PZP: variants seen among roughly 807,000 people sequenced by gnomAD.
PZP encodes pregnancy zone protein.
A neutral mutation model predicts 179.8 loss-of-function variants in PZP; 150 were observed. The ratio of observed to expected loss-of-function variants is 0.83; its 90% CI spans 0.73 to 0.96. PZP has a LOEUF of 0.96. PZP is among the 40% of genes least tolerant of loss of function. The pLI is 0.00. For missense variants in PZP, 1,689 were observed against 1,764.0 expected, an observed-to-expected ratio of 0.96 and a Z score of 0.76; for synonymous variants, 624 against 652.3, an observed-to-expected ratio of 0.96 and a Z score of 0.66.
At chr12:9,171,333 C>G (rs765541001) in intron 15 of PZP, among the ~76,000 whole-genome samples, 1 of 152,090 alleles carries the variant, frequency 6.6e-6, no homozygotes, top group Non-Finnish European at 1.5e-5. Context: ...CAAAAAAGAC[C>G]TAACACAAAT....
intron 13 of PZP, among the ~76,000 whole-genome samples, chr12:9,191,033 A>C (rs1213522866): frequency 6.6e-6 from 1 of 152,158 alleles, no homozygotes; most frequent in African/African-American, 2.4e-5. Flanking sequence ...TGATTTAATT[A>C]GCTATATAGA....
chr12:9,185,790 ATTTCTTTTCTTTTCT>A (rs71045238), intron 13 of PZP, among the ~76,000 whole-genome samples: 28 of 134,320 alleles, frequency 2.1e-4, no homozygotes, highest in Non-Finnish European at 3.6e-4. Context: ...TATGTTCAAC[ATTTCTTTTCTTTTCT>A]TTTCTTTTCT....
chr12:9,157,074 T>C, intron 28 of PZP, 101 bp downstream of exon 28: 1 of 1,139,054 alleles, frequency 8.8e-7, no homozygotes, highest in Non-Finnish European at 1.2e-6. Context: ...ATCCTGATGC[T>C]CTCCCTCTCC....
At position 9,154,719 on chromosome 12, in the gene PZP, G is replaced by A. The variant is rs375885593; in HGVS notation, c.3671C>T (p.Thr1224Met). 36 of 1,614,002 alleles carry A rather than the reference G, an allele frequency of 2.2e-5. No homozygotes were observed. The highest frequency in any genetic ancestry group is 1.8e-4 in the South Asian group (16 of 91,084). Residue 1224 changes from threonine to methionine, a missense_variant, in exon 29 of 36, where the codon ACG becomes ATG. By Grantham distance (81) the Thr-to-Met change is moderately conservative. Around this residue, in one of 3 missense-constraint regions of PZP, gnomAD observed 746 missense variants for 749.2 expected, o/e 1.00. Transcript: ENST00000261336. The part of the protein sequence containing the change: ...MTSYVLLAYL[T>M]AQPAPTSGDL... ...CCCTGAGGTGGGGGCTGGCTGGGCC[G>A]TGAGATAAGCGAGGAGCACATAGGA...
intron 15 of PZP, among the ~76,000 whole-genome samples, chr12:9,179,258 T>C (rs1295535202): frequency 3.3e-5 from 5 of 152,192 alleles, no homozygotes; most frequent in Non-Finnish European, 5.9e-5. Flanking sequence ...CAAATGGCAA[T>C]TATTAACCAA....
intron 2 of PZP, among the ~76,000 whole-genome samples, chr12:9,203,236 T>C (rs1944265447): frequency 6.6e-6 from 1 of 151,418 alleles, no homozygotes; most frequent in Admixed American, 6.6e-5. Flanking sequence ...AGGAATGAAA[T>C]TTAGAAGAGT....
chr12:9,176,880 A>G (rs1251401802), intron 15 of PZP, among the ~76,000 whole-genome samples: 1 of 152,164 alleles, frequency 6.6e-6, no homozygotes, highest in Non-Finnish European at 1.5e-5. Flanking sequence ...ATCTAGAGGT[A>G]TTGTACCTGA....
chr12:9,145,563 G>T (rs1036683770), downstream of PZP, among the ~76,000 whole-genome samples: 2 of 151,976 alleles, frequency 1.3e-5, no homozygotes, highest in African/African-American at 4.8e-5. Context: ...CTTTTAACTG[G>T]AAGTAAAAGT....
chr12:9,140,391 C>T, the PZP span, among the ~76,000 whole-genome samples: 2 of 152,148 alleles, frequency 1.3e-5, no homozygotes, highest in Non-Finnish European at 2.9e-5. Flanking sequence ...GTGTTTCTTA[C>T]TCGGCCCAAT....
At position 9,157,805 on chromosome 12, in the gene PZP, CAT is replaced by C. The variant is rs751183587; in HGVS notation, c.3329_3330del (p.Tyr1110CysfsTer14). The stretch of plus-strand genomic sequence containing the variant: ...GGAATTTCCAGAAGGGCAATAGTAA[CAT>C]AGGCGGAGAGGGTCGCTTCATCTTC... ...GVEDEATLSA[Y>X]VTIALLEIPL... On this transcript the variant is annotated frameshift_variant, in exon 27 of 36. Coordinates refer to ENST00000261336, the MANE Select transcript of PZP (RefSeq NM_002864.3). LOFTEE classifies it high-confidence loss of function. The C allele has an allele frequency of 6.2e-7, 1 of 1,614,008 alleles. No individual in the cohort carries two copies. Among genetic ancestry groups the C allele is most frequent in the African/African-American group, 1.3e-5 (1 of 74,924 alleles).
intron 23 of PZP, 71 bp from the exon 24 acceptor site, chr12:9,160,561 G>GTT: frequency 7.1e-7 from 1 of 1,406,910 alleles, no homozygotes; most frequent in Non-Finnish European, 9.7e-7. Context: ...TAACAAAAAT[G>GTT]GCCTTTATAT....
intron 28 of PZP, among the ~76,000 whole-genome samples, 179 bp from the exon 29 acceptor site, chr12:9,155,018 T>A (rs936339032): frequency 1.3e-5 from 2 of 152,188 alleles, no homozygotes; most frequent in Non-Finnish European, 2.9e-5. Context: ...CTTGATTTAG[T>A]CCTGTGGTAC....
In PZP at chr12:9,157,353, G is replaced by A. The variant is rs774307990; in HGVS notation, c.3372C>T (p.Asn1124=). 6.2e-7 allele frequency: 1 copy of A among 1,610,672 alleles called. No homozygotes were observed. The highest frequency in any genetic ancestry group is 8.5e-7 in the Non-Finnish European group (1 of 1,178,182). ...AGAACAGGGCATTGCGAACAATAGG[G>A]TTCTGTAAAGGCAAAATGTGGTTGT... The part of the protein sequence containing the change: ...ALLEIPLPVT[N]PIVRNALFCL... Residue 1124 remains asparagine, a splice_region_variant and synonymous_variant, in exon 28 of 36, where the codon AAC becomes AAT. Transcript: ENST00000261336.
In PZP at chr12:9,170,674, A is replaced by C. The variant is rs1941931203; in HGVS notation, c.1840-1083T>G. ...TCCAGCCTGAAGGCTTGGGGAATAC[A>C]GATGGTCTGGATGAGGAACGGTCCC... On this transcript the variant is annotated intron_variant, in intron 15 of 35. Transcript: ENST00000261336. The surrounding 1 kb of genome is among the most constrained non-coding windows in gnomAD (Gnocchi z 4.6). Among the ~76,000 whole-genome samples the C allele has an allele frequency of 6.6e-6, 1 of 152,154 alleles. No individual in the cohort carries two copies. The highest frequency in any genetic ancestry group is 2.4e-5 in the African/African-American group (1 of 41,426).
intron 33 of PZP, 59 bp downstream of exon 33, chr12:9,151,545 G>C (rs1940354680): frequency 7.2e-7 from 1 of 1,387,058 alleles, no homozygotes. Flanking sequence ...TTCTAGTAAA[G>C]AGACTCACTT....
chr12:9,156,229 A>G (rs1940744248), intron 28 of PZP: 1 of 202,570 alleles, frequency 4.9e-6, no homozygotes, highest in Admixed American at 4.9e-5. Flanking sequence ...CAATATCAAC[A>G]CCAATGATTA....
intron 7 of PZP, among the ~76,000 whole-genome samples, chr12:9,197,882 TTAA>T (rs1399298719): frequency 1.3e-4 from 16 of 122,880 alleles, no homozygotes; most frequent in African/African-American, 3.5e-4. Flanking sequence ...AATATAAATA[TTAA>T]TAATATATAA....
intron 13 of PZP, among the ~76,000 whole-genome samples, chr12:9,189,019 T>A (rs957852014): frequency 1.3e-5 from 2 of 151,724 alleles, no homozygotes; most frequent in African/African-American, 4.8e-5. Flanking sequence ...ATGGAAAAAA[T>A]ATTCCATGCT....
At chr12:9,204,184 T>G (rs763616992) in intron 1 of PZP, among the ~76,000 whole-genome samples, 5 of 152,176 alleles carry the variant, frequency 3.3e-5, no homozygotes, top group Non-Finnish European at 5.9e-5. Flanking sequence ...GAGATTGCTT[T>G]CCAAGATGTT....
Sources: gnomAD v4.1 joint callset for allele counts (sites outside exome capture counted in the v4.1 genomes callset) on GRCh38, gnomAD v4.1.1 for gene constraint, gnomAD v4.1.1 regional missense constraint, Gnocchi (gnomAD v3.1) non-coding constraint, MANE v1.5 for transcripts, NCBI Gene and HGNC (gene_info 2026-07-23, HGNC 2026-07-21) for gene names.